The following HCN1 variants were observed in gnomAD, a reference collection of about 807,000 sequenced individuals.
The protein encoded by HCN1 is potassium/sodium hyperpolarization-activated cyclic nucleotide-gated channel 1.
Under a neutral mutation model 78.9 loss-of-function variants are expected in HCN1, and 13 were observed. The observed-to-expected ratio is 0.16, with a 90% confidence interval of 0.11 to 0.26. HCN1 has a LOEUF of 0.26. HCN1 is among the 10% of genes least tolerant of loss of function. The pLI is 1.00. For synonymous variants in HCN1, 552 were observed against 455.5 expected, an observed-to-expected ratio of 1.21 and a Z score of -2.70; for missense variants, 810 against 1,154.3, an observed-to-expected ratio of 0.70 and a Z score of 4.32.
At chr5:45,574,552 A>G (rs1458844956) in intron 2 of HCN1, 1 of 152,100 alleles carries the variant, frequency 6.6e-6, no homozygotes, top group East Asian at 1.9e-4. Context: ...AATTAGTCCA[A>G]TTAATGACTC....
intron 2 of HCN1, among the ~76,000 whole-genome samples, chr5:45,600,914 T>G (rs1744608563): frequency 6.6e-6 from 1 of 152,056 alleles, no homozygotes; most frequent in Non-Finnish European, 1.5e-5. Context: ...CTGTTGTCTG[T>G]GAAGAAAAAC....
At chr5:45,454,007 T>C (rs1740975537) in intron 3 of HCN1, among the ~76,000 whole-genome samples, 2 of 152,166 alleles carry the variant, frequency 1.3e-5, no homozygotes. Context: ...CCAGTCTATG[T>C]AAGCGGGAAC....
At chr5:45,372,933 A>G (rs560001103) in intron 4 of HCN1, among the ~76,000 whole-genome samples, 2 of 142,384 alleles carry the variant, frequency 1.4e-5, no homozygotes, top group Admixed American at 1.5e-4. Context: ...CGTATTTTAT[A>G]CATAAAAATA....
At chr5:45,293,409 G>A (rs115341643) in intron 6 of HCN1, among the ~76,000 whole-genome samples, 2,469 of 151,936 alleles carry the variant, frequency 0.016, 70 homozygotes, top group African/African-American at 0.056. Context: ...AGGCTTAGGC[G>A]GGAAGATCAC....
At chr5:45,328,695 T>G (rs1486287941) in intron 5 of HCN1, among the ~76,000 whole-genome samples, 2 of 151,658 alleles carry the variant, frequency 1.3e-5, no homozygotes, top group Non-Finnish European at 3.0e-5. Flanking sequence ...ATGAGTTGTG[T>G]ATTTCTGGAT....
intron 5 of HCN1, among the ~76,000 whole-genome samples, chr5:45,314,885 C>A (rs932381451): frequency 6.6e-6 from 1 of 152,054 alleles, no homozygotes; most frequent in Non-Finnish European, 1.5e-5. Flanking sequence ...ATATATGCAC[C>A]CAATACAGGA....
Position 45,359,414 on chromosome 5 carries a change from A to ATAT in HCN1, c.1231-6169_1231-6168insATA, listed in dbSNP as rs556926268. Among the ~76,000 whole-genome samples, 706 of 145,278 alleles carry ATAT rather than the reference A, an allele frequency of 4.9e-3. 3 individuals carry two copies. The highest frequency in any genetic ancestry group is 0.017 in the African/African-American group (662 of 37,946). ...ACTTTCAGGAAGCATCAAAAAAAAA[A>ATAT]AAATATATATATATATATATCACCT... On this transcript the variant is annotated intron_variant, in intron 4 of 7. Coordinates refer to ENST00000303230, the MANE Select transcript of HCN1 (RefSeq NM_021072.4).
intron 1 of HCN1, among the ~76,000 whole-genome samples, chr5:45,685,469 T>C (rs1483136913): frequency 2.6e-5 from 4 of 152,190 alleles, no homozygotes. Context: ...ACGTCAGCAC[T>C]TTAGGAGGCC....
intron 1 of HCN1, among the ~76,000 whole-genome samples, chr5:45,694,287 TACAAATAA>T (rs1210047404): frequency 6.6e-6 from 1 of 152,234 alleles, no homozygotes; most frequent in Admixed American, 6.5e-5. Context: ...TGTGTGTTTT[TACAAATAA>T]GTACCTTAAA....
At chr5:45,625,259 T>C (rs1366740074) in intron 2 of HCN1, among the ~76,000 whole-genome samples, 3 of 151,940 alleles carry the variant, frequency 2.0e-5, no homozygotes, top group Non-Finnish European at 2.9e-5. Flanking sequence ...GCTGAGACCA[T>C]GCCATTGCAC....
Position 45,257,047 on chromosome 5 carries a change from C to T in HCN1, c.*4874G>A, listed in dbSNP as rs1670846558. 1 of 152,110 alleles carries T rather than the reference C, an allele frequency of 6.6e-6. No individual in the cohort carries two copies. The highest frequency in any genetic ancestry group is 2.1e-4 in the South Asian group (1 of 4,832). 9.4% of individuals were successfully genotyped at this position (152,110 alleles called of 1,614,324 possible). A position where few individuals can be genotyped will look rare whatever the true frequency, so the allele number is the denominator to read the frequency against. Reference sequence around the variant, plus strand: ...CTCTATTTAGCAAACCTAGGACCTTCCTTAGGACCCAGCATCCTCACAAGG... The same window carrying T: ...CTCTATTTAGCAAACCTAGGACCTTTCTTAGGACCCAGCATCCTCACAAGG... On this transcript the variant is annotated 3_prime_UTR_variant, in exon 8 of 8. Transcript: ENST00000303230.
At chr5:45,506,514 T>TA (rs2111746163) in intron 2 of HCN1, among the ~76,000 whole-genome samples, 1 of 152,124 alleles carries the variant, frequency 6.6e-6, no homozygotes, top group East Asian at 1.9e-4. Context: ...TTTAATTTAA[T>TA]AAAAAATTTA....
chr5:45,328,022 G>C (rs1211148301), intron 5 of HCN1, among the ~76,000 whole-genome samples: 1 of 151,656 alleles, frequency 6.6e-6, no homozygotes, highest in African/African-American at 2.4e-5. Context: ...GAAGAATGAA[G>C]TTGCCCCTTC....
chr5:45,503,940 C>G (rs57281202), intron 2 of HCN1, among the ~76,000 whole-genome samples: 1 of 151,914 alleles, frequency 6.6e-6, no homozygotes, highest in African/African-American at 2.4e-5. Context: ...TGTGCACCAC[C>G]ACACCCAGCT....
At chr5:45,313,094 A>G (rs1402652200) in intron 5 of HCN1, among the ~76,000 whole-genome samples, 3 of 152,196 alleles carry the variant, frequency 2.0e-5, no homozygotes, top group Non-Finnish European at 4.4e-5. Context: ...ACCCCCAAGT[A>G]GCCCAATTGG....
chr5:45,396,464 G>T, intron 4 of HCN1, 28 bp downstream of exon 4: 1 of 1,574,328 alleles, frequency 6.4e-7, no homozygotes. Flanking sequence ...GCTGGTTAAA[G>T]ACATTGGCGA....
At chr5:45,448,720 C>G (rs1740847958) in intron 3 of HCN1, among the ~76,000 whole-genome samples, 1 of 152,118 alleles carries the variant, frequency 6.6e-6, no homozygotes, top group African/African-American at 2.4e-5. Flanking sequence ...TTTGAAATGA[C>G]AGGAATATAT....
intron 3 of HCN1, among the ~76,000 whole-genome samples, chr5:45,446,685 T>C (rs1320084308): frequency 6.6e-6 from 1 of 152,104 alleles, no homozygotes; most frequent in East Asian, 1.9e-4. Context: ...TAACAGTGGA[T>C]CTCTCAGCAG....
intron 1 of HCN1, among the ~76,000 whole-genome samples, chr5:45,677,826 G>A (rs528627511): frequency 2.0e-5 from 3 of 151,926 alleles, no homozygotes; most frequent in Admixed American, 6.6e-5. Context: ...AAAATGTTTT[G>A]AGCATGTTTC....
Sources: allele counts gnomAD v4.1 joint callset (sites outside exome capture counted in the v4.1 genomes callset), GRCh38; gene constraint gnomAD v4.1.1; transcripts MANE v1.5; gene names NCBI Gene and HGNC (gene_info 2026-07-23, HGNC 2026-07-21).